CFDP1: variants seen among roughly 807,000 people sequenced by gnomAD.
CFDP1 encodes chromatin remodeling protein CFDP1.
CFDP1 carries 31 observed loss-of-function variants against 40.1 expected under a neutral mutation model. The observed-to-expected ratio is 0.77, with a 90% confidence interval of 0.58 to 1.04. CFDP1 has a LOEUF of 1.04. CFDP1 is among the 50% of genes least tolerant of loss of function. The probability of loss-of-function intolerance (pLI) is 0.00; values close to 1 mark genes in which losing one functional copy is unlikely to be tolerated. For missense variants in CFDP1, 423 were observed against 343.4 expected, an observed-to-expected ratio of 1.23 and a Z score of -1.83; for synonymous variants, 167 against 120.0, an observed-to-expected ratio of 1.39 and a Z score of -2.56.
chr16:75,307,276 C>T (rs534800791), intron 5 of CFDP1, among the ~76,000 whole-genome samples: 131 of 152,032 alleles, frequency 8.6e-4, no homozygotes, highest in African/African-American at 3.0e-3. Flanking sequence ...AGTGCAGATG[C>T]GTGATCTCGG....
At chr16:75,340,154 G>A (rs775716051) in intron 5 of CFDP1, among the ~76,000 whole-genome samples, 6 of 152,114 alleles carry the variant, frequency 3.9e-5, no homozygotes, top group African/African-American at 7.2e-5. Flanking sequence ...TCAATTCATC[G>A]CAATCTAATC....
chr16:75,339,487 T>C (rs1232126374), intron 5 of CFDP1, among the ~76,000 whole-genome samples: 1 of 152,200 alleles, frequency 6.6e-6, no homozygotes, highest in African/African-American at 2.4e-5. Context: ...GGTGTTTCTT[T>C]TATGATGGTT....
At chr16:75,380,126 A>G (rs569909257) in intron 5 of CFDP1, 1 of 152,284 alleles carries the variant, frequency 6.6e-6, no homozygotes, top group South Asian at 2.1e-4. Context: ...CAACACAGCA[A>G]AACTCCATCT....
At chr16:75,345,845 G>C (rs2078559404) in intron 5 of CFDP1, among the ~76,000 whole-genome samples, 1 of 152,168 alleles carries the variant, frequency 6.6e-6, no homozygotes, top group African/African-American at 2.4e-5. Context: ...AAATGTTCAA[G>C]GCACATGACA....
intron 6 of CFDP1, among the ~76,000 whole-genome samples, chr16:75,298,414 G>T (rs2078199184): frequency 1.3e-5 from 2 of 152,150 alleles, no homozygotes; most frequent in Admixed American, 1.3e-4. Context: ...GGAAGAGGGA[G>T]AGCACATGGA....
chr16:75,354,240 C>T (rs893722610), intron 5 of CFDP1, among the ~76,000 whole-genome samples: 1 of 152,164 alleles, frequency 6.6e-6, no homozygotes, highest in Non-Finnish European at 1.5e-5. Context: ...GCATTTTCAA[C>T]GTATATTTTC....
At chr16:75,348,698 G>C (rs1397692278) in intron 5 of CFDP1, among the ~76,000 whole-genome samples, 2 of 152,066 alleles carry the variant, frequency 1.3e-5, no homozygotes, top group Non-Finnish European at 2.9e-5. Context: ...AGTGAATCAT[G>C]TCTGTGTTGC....
At chr16:75,373,523 T>C (rs1042621289) in intron 5 of CFDP1, among the ~76,000 whole-genome samples, 3 of 152,164 alleles carry the variant, frequency 2.0e-5, no homozygotes, top group African/African-American at 7.2e-5. Flanking sequence ...CTGTGACCCC[T>C]GCCCACCCCC....
At chr16:75,295,954 G>A (rs1051167707) in intron 6 of CFDP1, among the ~76,000 whole-genome samples, 23 of 152,120 alleles carry the variant, frequency 1.5e-4, no homozygotes, top group African/African-American at 5.3e-4. Flanking sequence ...TCAGAGGCAC[G>A]TTCACTACAA....
chr16:75,370,749 C>G (rs913816731), intron 5 of CFDP1, among the ~76,000 whole-genome samples: 1 of 152,064 alleles, frequency 6.6e-6, no homozygotes, highest in Non-Finnish European at 1.5e-5. Flanking sequence ...GTAATCCCAG[C>G]TACTTGGGAA....
chr16:75,358,962 C>A (rs937452472), intron 5 of CFDP1, among the ~76,000 whole-genome samples: 3 of 152,202 alleles, frequency 2.0e-5, no homozygotes, highest in Non-Finnish European at 4.4e-5. Context: ...TTAATGCATG[C>A]TGTTACATCA....
intron 4 of CFDP1, among the ~76,000 whole-genome samples, chr16:75,400,602 C>T (rs897340019): frequency 4.6e-5 from 7 of 152,150 alleles, no homozygotes; most frequent in African/African-American, 1.7e-4. Flanking sequence ...GAACCCATTA[C>T]TCTGGAGAAA....
intron 5 of CFDP1, chr16:75,381,308 T>C (rs1043707699): frequency 2.0e-5 from 3 of 151,686 alleles, no homozygotes; most frequent in Non-Finnish European, 2.9e-5. Context: ...AATAAAAAAT[T>C]AAAATTAAAA....
chr16:75,308,465 G>A (rs904806185), intron 5 of CFDP1, among the ~76,000 whole-genome samples: 20 of 152,198 alleles, frequency 1.3e-4, no homozygotes, highest in Admixed American at 2.0e-4. Flanking sequence ...TATTTTCCTC[G>A]TGTAATCTTT....
chr16:75,411,466 T>C (rs528571130), intron 4 of CFDP1, among the ~76,000 whole-genome samples: 2 of 152,272 alleles, frequency 1.3e-5, no homozygotes, highest in East Asian at 1.9e-4. Flanking sequence ...TCAATTATTA[T>C]CTGATTTCTG....
At position 75,423,766 on chromosome 16, in the gene CFDP1, G is replaced by C. The variant is rs1420156944; in HGVS notation, c.65-9071C>G. On this transcript the variant is annotated intron_variant, in intron 1 of 6. Coordinates refer to ENST00000283882, the MANE Select transcript of CFDP1 (RefSeq NM_006324.3). The stretch of plus-strand genomic sequence containing the variant: ...CCTGACCTTGAGATCCGCCCACCTC[G>C]GCCTCCCAGGTTGGTCTTTAACTCC... Among the ~76,000 whole-genome samples the C allele has an allele frequency of 2.6e-5, 4 of 152,160 alleles. No individual in the cohort carries two copies. In the East Asian group the frequency reaches 5.8e-4, roughly 22 times the overall value.
chr16:75,295,769 C>G (rs989739854), intron 6 of CFDP1, among the ~76,000 whole-genome samples: 1 of 152,174 alleles, frequency 6.6e-6, no homozygotes, highest in Non-Finnish European at 1.5e-5. Context: ...TGGCTGAATT[C>G]GAACTTCAGA....
Position 75,411,860 on chromosome 16 carries a change from G to T in CFDP1, c.495C>A (p.Ile165=), listed in dbSNP as rs774545402. The T allele has an allele frequency of 6.2e-7, 1 of 1,611,388 alleles. No individual in the cohort carries two copies. Among genetic ancestry groups the T allele is most frequent in the Non-Finnish European group, 8.5e-7 (1 of 1,179,450 alleles). The stretch of plus-strand genomic sequence containing the variant: ...CACCAGCAAAATCAAACACCTTGGT[G>T]ATTTTAACTTTTTCTGTTTCTTTAG... The part of the protein sequence containing the change: ...EKPKETEKVK[I]TKVFDFAGEE... Residue 165 remains isoleucine, a synonymous_variant, in exon 4 of 7, where the codon ATC becomes ATA. Transcript: ENST00000283882.
chr16:75,347,399 A>T (rs1331281344), intron 5 of CFDP1, among the ~76,000 whole-genome samples: 1 of 150,822 alleles, frequency 6.6e-6, no homozygotes, highest in African/African-American at 2.4e-5. Context: ...AGAAAAAAAA[A>T]GCAGGCGCAG....
Sources: allele counts gnomAD v4.1 joint callset (sites outside exome capture counted in the v4.1 genomes callset), GRCh38; gene constraint gnomAD v4.1.1; transcripts MANE v1.5; gene names NCBI Gene and HGNC (gene_info 2026-07-23, HGNC 2026-07-21).